FSTL4: variants seen among roughly 807,000 people sequenced by gnomAD.
FSTL4 encodes the protein follistatin-related protein 4.
A neutral mutation model predicts 78.2 loss-of-function variants in FSTL4; 28 were observed. The ratio of observed to expected loss-of-function variants is 0.36; its 90% CI spans 0.27 to 0.49. The LOEUF is 0.49. Among genes scored for constraint, FSTL4 ranks in the 20% least tolerant of loss-of-function variants. FSTL4 has a pLI of 0.98. For missense variants in FSTL4, 922 were observed against 1,084.9 expected (o/e 0.85, Z 2.11); for synonymous variants, 422 against 440.5 (o/e 0.96, Z 0.53).
At chr5:133,379,514 T>G (rs1755516068) in intron 4 of FSTL4, among the ~76,000 whole-genome samples, 1 of 152,080 alleles carries the variant, frequency 6.6e-6, no homozygotes, top group Admixed American at 6.5e-5. Context: ...AATAGAAAGT[T>G]CAATAAATTT....
the FSTL4 span, among the ~76,000 whole-genome samples, chr5:133,756,410 A>G: frequency 4.6e-5 from 7 of 151,892 alleles, no homozygotes; most frequent in African/African-American, 1.7e-4. Flanking sequence ...GATTCCAAGC[A>G]GAAGAGGGAC....
intron 4 of FSTL4, among the ~76,000 whole-genome samples, chr5:133,323,408 G>T (rs1379653322): frequency 6.6e-6 from 1 of 152,236 alleles, no homozygotes; most frequent in East Asian, 1.9e-4. Context: ...CAAGGGAGGG[G>T]TATGGCTCAT....
At chr5:133,731,454 C>T in the FSTL4 span, among the ~76,000 whole-genome samples, 1 of 152,280 alleles carries the variant, frequency 6.6e-6, no homozygotes, top group Non-Finnish European at 1.5e-5. Flanking sequence ...ACCCCAAGGC[C>T]ACACAGCAAG....
At chr5:133,210,155 G>A (rs762247751) in intron 14 of FSTL4, 36 bp downstream of exon 14, 1 of 1,059,918 alleles carries the variant, frequency 9.4e-7, no homozygotes, top group Non-Finnish European at 1.5e-6. Context: ...TTCTCTCAGT[G>A]GAGTGTGGGT....
the FSTL4 span, among the ~76,000 whole-genome samples, chr5:133,732,009 C>T: frequency 2.0e-5 from 3 of 152,196 alleles, no homozygotes; most frequent in East Asian, 5.8e-4. Context: ...CTCCCTCCAG[C>T]TGAGGATGGT....
At chr5:133,562,812 T>G (rs1467595168) in intron 3 of FSTL4, among the ~76,000 whole-genome samples, 2 of 152,160 alleles carry the variant, frequency 1.3e-5, no homozygotes, top group Non-Finnish European at 2.9e-5. Flanking sequence ...ATCCCAGCCA[T>G]TTGCTCAGCT....
the FSTL4 span, among the ~76,000 whole-genome samples, chr5:133,789,606 T>C: frequency 6.6e-6 from 1 of 152,198 alleles, no homozygotes; most frequent in African/African-American, 2.4e-5. Flanking sequence ...GAGATTGGTG[T>C]ATTAGTTGGC....
At chr5:133,616,776 A>G (rs1478293831), upstream of FSTL4, among the ~76,000 whole-genome samples, 1 of 152,156 alleles carries the variant, frequency 6.6e-6, no homozygotes, top group Non-Finnish European at 1.5e-5. Flanking sequence ...CTCAAGGGCT[A>G]TGAAGACAAC....
At chr5:133,714,753 C>T in the FSTL4 span, among the ~76,000 whole-genome samples, 1 of 152,200 alleles carries the variant, frequency 6.6e-6, no homozygotes. Context: ...TAAGTCATGC[C>T]TGTCTCCTCC....
chr5:133,428,675 G>T (rs921810236), intron 3 of FSTL4, among the ~76,000 whole-genome samples: 7 of 152,174 alleles, frequency 4.6e-5, no homozygotes, highest in African/African-American at 1.7e-4. Context: ...GCATATAGGG[G>T]CTCCTGTCCT....
At chr5:133,232,694 C>T (rs1041635665) in intron 8 of FSTL4, among the ~76,000 whole-genome samples, 11 of 152,098 alleles carry the variant, frequency 7.2e-5, no homozygotes, top group Non-Finnish European at 1.6e-4. Flanking sequence ...GTTGTGTGAC[C>T]CCAGGCAAGT....
the FSTL4 span, among the ~76,000 whole-genome samples, chr5:133,794,919 C>G: frequency 6.6e-6 from 1 of 152,224 alleles, no homozygotes; most frequent in Non-Finnish European, 1.5e-5. Flanking sequence ...AGTGATTCCT[C>G]TTTCCCACTG....
chr5:133,600,961 G>C (rs1054800339), intron 2 of FSTL4, among the ~76,000 whole-genome samples: 3 of 152,246 alleles, frequency 2.0e-5, no homozygotes, highest in African/African-American at 4.8e-5. Flanking sequence ...TGCTAGAGGA[G>C]TTTAATATGG....
the FSTL4 span, among the ~76,000 whole-genome samples, chr5:133,657,116 G>C: frequency 6.6e-6 from 1 of 152,160 alleles, no homozygotes; most frequent in East Asian, 1.9e-4. Flanking sequence ...TTAGTAAGTA[G>C]ATTGTTAAAT....
intron 7 of FSTL4, among the ~76,000 whole-genome samples, chr5:133,242,563 G>A (rs770567944): frequency 2.0e-5 from 3 of 152,176 alleles, no homozygotes; most frequent in Non-Finnish European, 4.4e-5. Context: ...AGAGGGGAAA[G>A]AGGACCTCGA....
intron 3 of FSTL4, among the ~76,000 whole-genome samples, chr5:133,489,817 A>C (rs1758220881): frequency 6.6e-6 from 1 of 152,200 alleles, no homozygotes; most frequent in African/African-American, 2.4e-5. Flanking sequence ...CTTATCACTG[A>C]CATTTGAACA....
At chr5:133,350,598 G>A (rs780176796) in intron 4 of FSTL4, among the ~76,000 whole-genome samples, 17 of 152,316 alleles carry the variant, frequency 1.1e-4, no homozygotes, top group Admixed American at 6.5e-4. Context: ...TAACAGGTAC[G>A]ATCCACATAA....
intron 2 of FSTL4, among the ~76,000 whole-genome samples, chr5:133,580,923 C>A (rs78479395): frequency 6.6e-6 from 1 of 152,156 alleles, no homozygotes; most frequent in Non-Finnish European, 1.5e-5. Flanking sequence ...ATCTGCACAG[C>A]CCCCAGAGGA....
At chr5:133,575,370 C>T (rs1760255469) in intron 2 of FSTL4, 1 of 152,204 alleles carries the variant, frequency 6.6e-6, no homozygotes, top group Non-Finnish European at 1.5e-5. Flanking sequence ...TTAACATTTC[C>T]TTAGTCTCTG....
Sources: allele counts gnomAD v4.1 joint callset (sites outside exome capture counted in the v4.1 genomes callset), GRCh38; gene constraint gnomAD v4.1.1; transcripts MANE v1.5; gene names NCBI Gene and HGNC (gene_info 2026-07-23, HGNC 2026-07-21).